The following CGGBP1 variants were observed in gnomAD, a reference collection of about 807,000 sequenced individuals.
CGGBP1 encodes the protein CGG triplet repeat-binding protein 1.
CGGBP1 carries 4 observed loss-of-function variants against 11.4 expected under a neutral mutation model. The observed-to-expected ratio is 0.35, with a 90% CI of 0.17 to 0.80. CGGBP1 has a LOEUF of 0.80. Among genes scored for constraint, CGGBP1 ranks in the 30% least tolerant of loss-of-function variants. The pLI, the probability that CGGBP1 is intolerant of heterozygous loss-of-function variation, is 0.52. For synonymous variants in CGGBP1, 76 were observed against 74.1 expected, an observed-to-expected ratio of 1.03 and a Z score of -0.13; for missense variants, 135 against 202.1, an observed-to-expected ratio of 0.67 and a Z score of 2.01.
At chr3:88,065,638 A>T (rs1707154545) in intron 2 of CGGBP1, among the ~76,000 whole-genome samples, 2 of 151,914 alleles carry the variant, frequency 1.3e-5, no homozygotes. Flanking sequence ...TTAGTTTTTT[A>T]AAAATTAAAC....
exon 1 of CGGBP1, chr3:88,149,829 A>G: frequency 1.8e-6 from 1 of 564,974 alleles, no homozygotes; most frequent in Non-Finnish European, 3.2e-6. Context: ...CTTAATTGAG[A>G]TACGTGGGAC....
At chr3:88,148,898 C>T (rs900974310) in intron 1 of CGGBP1, among the ~76,000 whole-genome samples, 1 of 152,164 alleles carries the variant, frequency 6.6e-6, no homozygotes, top group African/African-American at 2.4e-5. Flanking sequence ...GCCTCAGCAT[C>T]CCGAAGTGCT....
Position 88,123,991 on chromosome 3 carries a change from A to G in CGGBP1, c.-229+16979T>C, listed in dbSNP as rs116093791. Among the ~76,000 whole-genome samples the G allele has an allele frequency of 2.5e-3, 379 of 152,310 alleles. 1 individual carries two copies. The highest frequency in any genetic ancestry group is 8.8e-3 in the African/African-American group (366 of 41,564). ...ATCATTACAGTGTTCCATGTATGTT[A>G]AATTCATGGCTGATCAATACCTTTA... On this transcript the variant is annotated intron_variant, in intron 2 of 3. Transcript: ENST00000462901.
intron 2 of CGGBP1, among the ~76,000 whole-genome samples, chr3:88,137,019 A>G (rs1706828302): frequency 6.6e-6 from 1 of 151,936 alleles, no homozygotes; most frequent in Admixed American, 6.6e-5. Context: ...ACATGGTGAA[A>G]CCCCATCTCT....
chr3:88,070,732 G>T (rs1376940467), intron 2 of CGGBP1, among the ~76,000 whole-genome samples: 2 of 152,048 alleles, frequency 1.3e-5, no homozygotes, highest in Non-Finnish European at 2.9e-5. Flanking sequence ...AAGTATGTCA[G>T]TTCCTGTCCT....
chr3:88,067,207 T>C (rs1429487548), intron 2 of CGGBP1, among the ~76,000 whole-genome samples: 1 of 152,214 alleles, frequency 6.6e-6, no homozygotes, highest in Non-Finnish European at 1.5e-5. Context: ...TGGTAAGTGC[T>C]ATGAAGAAAA....
At chr3:88,085,339 T>C (rs1361192820) in intron 2 of CGGBP1, among the ~76,000 whole-genome samples, 1 of 152,256 alleles carries the variant, frequency 6.6e-6, no homozygotes, top group Admixed American at 6.5e-5. Context: ...AATACATAAA[T>C]GGATGAACCT....
At chr3:88,067,380 G>A (rs917338384) in intron 2 of CGGBP1, among the ~76,000 whole-genome samples, 4 of 152,188 alleles carry the variant, frequency 2.6e-5, no homozygotes, top group Non-Finnish European at 5.9e-5. Flanking sequence ...GGACTTAACA[G>A]AAGCCAGAGC....
intron 2 of CGGBP1, among the ~76,000 whole-genome samples, chr3:88,094,152 A>G (rs1421241115): frequency 6.7e-6 from 1 of 149,682 alleles, no homozygotes; most frequent in South Asian, 2.1e-4. Flanking sequence ...TTCTCTTACT[A>G]AACTTCATGA....
At chr3:88,086,454 G>T in intron 2 of CGGBP1, 2 of 1,353,042 alleles carry the variant, frequency 1.5e-6, no homozygotes, top group Non-Finnish European at 1.9e-6. Flanking sequence ...ATGTGTTTGA[G>T]AATTTGTTTT....
intron 2 of CGGBP1, among the ~76,000 whole-genome samples, chr3:88,116,302 C>G (rs542288110): frequency 6.6e-6 from 1 of 152,212 alleles, no homozygotes; most frequent in South Asian, 2.1e-4. Context: ...GGGCAGATCA[C>G]CTGAGGGTGG....
chr3:88,076,542 C>G, intron 2 of CGGBP1, among the ~76,000 whole-genome samples: 1 of 151,952 alleles, frequency 6.6e-6, no homozygotes, highest in East Asian at 1.9e-4. Flanking sequence ...TTTAATTTTT[C>G]CACTGTTAAT....
intron 1 of CGGBP1, among the ~76,000 whole-genome samples, chr3:88,058,466 G>T (rs1390350366): frequency 6.6e-6 from 1 of 152,172 alleles, no homozygotes; most frequent in Non-Finnish European, 1.5e-5. Flanking sequence ...GGGGGCGGGG[G>T]AGAGGCGGGG....
intron 2 of CGGBP1, chr3:88,140,124 C>A: frequency 6.2e-7 from 1 of 1,613,848 alleles, no homozygotes; most frequent in Non-Finnish European, 8.5e-7. Context: ...TTTTTGTTTG[C>A]ATTTTAATTG....
At chr3:88,104,775 CAGAACAA>C (rs1311787575) in intron 2 of CGGBP1, among the ~76,000 whole-genome samples, 1 of 152,120 alleles carries the variant, frequency 6.6e-6, no homozygotes. Flanking sequence ...AGAGGTCAAA[CAGAACAA>C]TGAATAGACA....
chr3:88,065,600 G>A (rs561985029), intron 2 of CGGBP1, among the ~76,000 whole-genome samples: 7 of 152,076 alleles, frequency 4.6e-5, no homozygotes, highest in African/African-American at 1.7e-4. Flanking sequence ...TATGCTTATG[G>A]CTGAATTTTA....
chr3:88,099,505 G>T (rs1186178581), intron 2 of CGGBP1, among the ~76,000 whole-genome samples: 2 of 152,044 alleles, frequency 1.3e-5, no homozygotes, highest in African/African-American at 4.8e-5. Flanking sequence ...CCAAAAAAGA[G>T]CCCGCATTGC....
chr3:88,139,933 G>A (rs983170470), intron 2 of CGGBP1: 11 of 1,613,442 alleles, frequency 6.8e-6, no homozygotes, highest in African/African-American at 1.3e-5. Context: ...GGTTGTGTCC[G>A]GATATTTAAA....
chr3:88,065,942 G>T (rs923241249), intron 2 of CGGBP1, among the ~76,000 whole-genome samples: 10 of 152,082 alleles, frequency 6.6e-5, no homozygotes, highest in East Asian at 1.9e-4. Flanking sequence ...ACCATGATCT[G>T]CAGGCTGGTC....
Sources: gnomAD v4.1 joint callset for allele counts (sites outside exome capture counted in the v4.1 genomes callset) on GRCh38, gnomAD v4.1.1 for gene constraint, MANE v1.5 for transcripts, NCBI Gene and HGNC (gene_info 2026-07-23, HGNC 2026-07-21) for gene names.